The following RTRAF variants were observed in gnomAD, a reference collection of about 807,000 sequenced individuals.
RTRAF encodes the protein tRNA-splicing ligase complex subunit RTRAF.
In RTRAF, 14 loss-of-function variants were observed where a neutral mutation model predicts 34.4. The ratio of observed to expected loss-of-function variants is 0.41; its 90% CI spans 0.27 to 0.64. The LOEUF (loss-of-function observed/expected upper bound fraction) is 0.64. RTRAF is among the 30% of genes least tolerant of loss of function. The pLI, the probability that RTRAF is intolerant of heterozygous loss-of-function variation, is 0.34. For missense variants in RTRAF, 291 were observed against 288.4 expected (o/e 1.01, Z -0.06); for synonymous variants, 96 against 95.3 (o/e 1.01, Z -0.04).
rs193045053 is a variant in RTRAF at position 52,002,072 on chromosome 14, C to T, written c.531+206C>T. Among the ~76,000 whole-genome samples, 4 of 152,198 alleles carry T rather than the reference C, an allele frequency of 2.6e-5. No individual in the cohort carries two copies. In the East Asian group the frequency reaches 5.8e-4, roughly 22 times the overall value. ...TTTTTGAGTGAAAAACTTCATGTTC[C>T]TCTCACTTTGTACCTTAAAAAAGCC... On this transcript the variant is annotated intron_variant, in intron 6 of 7. Transcript: ENST00000261700.
rs1392552485 is a variant in RTRAF at position 52,005,319 on chromosome 14, G to A, written c.*803G>A. The A allele has an allele frequency of 2.1e-6, 1 of 483,944 alleles. No homozygotes were observed. Among genetic ancestry groups the A allele is most frequent in the Admixed American group, 3.8e-5 (1 of 26,152 alleles). 30.0% of individuals were successfully genotyped at this position (483,944 alleles called of 1,614,324 possible). On this transcript the variant is annotated 3_prime_UTR_variant, in exon 8 of 8. Transcript: ENST00000261700. ...TAAAAATACAGTAGTAAAGATTGAGGTATCAGCTTTTCACAAAAGTCTTTT... is the reference window on the plus strand; with the variant it reads ...TAAAAATACAGTAGTAAAGATTGAGATATCAGCTTTTCACAAAAGTCTTTT...
At chr14:51,994,037 C>CT (rs951637924) in intron 3 of RTRAF, among the ~76,000 whole-genome samples, 3 of 152,192 alleles carry the variant, frequency 2.0e-5, no homozygotes, top group Non-Finnish European at 4.4e-5. Context: ...GGCTAATTGA[C>CT]TGTCTTCTCA....
chr14:52,005,306 A>T lies in RTRAF; in HGVS notation c.*790A>T, dbSNP rs1423851263. ...CAACCTTCATTTTTAAAAATACAGT[A>T]GTAAAGATTGAGGTATCAGCTTTTC... On this transcript the variant is annotated 3_prime_UTR_variant, in exon 8 of 8. Coordinates refer to ENST00000261700, the MANE Select transcript of RTRAF (RefSeq NM_016039.3). The T allele has an allele frequency of 2.2e-6, 1 of 451,844 alleles. No homozygotes were observed. Among genetic ancestry groups the T allele is most frequent in the Non-Finnish European group, 3.8e-6 (1 of 261,580 alleles). 28.0% of individuals were successfully genotyped at this position (451,844 alleles called of 1,614,324 possible).
chr14:52,003,066 A>G (rs1386196441), intron 6 of RTRAF, among the ~76,000 whole-genome samples: 1 of 152,176 alleles, frequency 6.6e-6, no homozygotes, highest in African/African-American at 2.4e-5. Context: ...GCTTAGCCAA[A>G]TCTCTTTGCT....
chr14:51,991,756 T>C (rs1047284528), intron 2 of RTRAF, among the ~76,000 whole-genome samples: 1 of 152,172 alleles, frequency 6.6e-6, no homozygotes, highest in Non-Finnish European at 1.5e-5. Context: ...TTAAACACAG[T>C]ACTATTTCTT....
Position 52,007,943 on chromosome 14 carries a change from A to T in RTRAF, c.*3427A>T. On this transcript the variant is annotated 3_prime_UTR_variant, in exon 8 of 8. Transcript: ENST00000261700. The stretch of plus-strand genomic sequence containing the variant: ...ACGTTTCAATTTTAGGAGCTTCTCT[A>T]TTCCAGTCTGTCCAGTACAAGTTGC... 6.2e-7 allele frequency: 1 copy of T among 1,613,302 alleles called. No individual in the cohort carries two copies. Among genetic ancestry groups the T allele is most frequent in the Non-Finnish European group, 8.5e-7 (1 of 1,179,758 alleles).
chr14:52,004,015 G>C, intron 6 of RTRAF, 179 bp from the exon 7 acceptor site: 2 of 619,344 alleles, frequency 3.2e-6, no homozygotes, highest in Admixed American at 3.2e-5. Flanking sequence ...GGTTGAAATA[G>C]GGAAAACTCG....
chr14:51,989,704 A>AGGCGGC lies in RTRAF; in HGVS notation c.61+8_61+13dup. On this transcript the variant is annotated splice_donor_region_variant and intron_variant, in intron 1 of 7. Coordinates refer to ENST00000261700, the MANE Select transcript of RTRAF (RefSeq NM_016039.3). ...CCCGCCGGCTTCAACTGCAAAGGTGAGGCGGCGGCCTCAGCCCGGCCGCGT... is the reference window on the plus strand; with the variant it reads ...CCCGCCGGCTTCAACTGCAAAGGTGAGGCGGCGGCGGCGGCCTCAGCCCGGCCGCGT... 6.3e-7 allele frequency: 1 copy of AGGCGGC among 1,599,006 alleles called. No homozygotes were observed. Among genetic ancestry groups the AGGCGGC allele is most frequent in the Non-Finnish European group, 8.5e-7 (1 of 1,173,580 alleles).
In RTRAF at chr14:51,993,043, A is replaced by G. The variant is rs541639592; in HGVS notation, c.187-680A>G. On this transcript the variant is annotated intron_variant, in intron 2 of 7. Transcript: ENST00000261700. ...AGACTCTGTCTCAAAAAAAAGAAAT[A>G]TGTATGTATGTGTGTGTATATATGT... is the stretch of plus-strand genomic sequence containing the variant. Among the ~76,000 whole-genome samples the G allele has an allele frequency of 5.9e-5, 9 of 152,238 alleles. No individual in the cohort carries two copies. In the East Asian group the frequency reaches 1.7e-3, roughly 29 times the overall value.
Position 52,005,965 on chromosome 14 carries a change from C to T in RTRAF, c.*1449C>T. 1 of 717,156 alleles carries T rather than the reference C, an allele frequency of 1.4e-6. No individual in the cohort carries two copies. Among genetic ancestry groups the T allele is most frequent in the Non-Finnish European group, 2.5e-6 (1 of 404,728 alleles). The allele number at this position is 717,156 out of a possible 1,614,324, so 44.4% of individuals were successfully genotyped here. On this transcript the variant is annotated 3_prime_UTR_variant, in exon 8 of 8. Transcript: ENST00000261700. ...AAATTTCTGGCAGCCTTCTCTGTCC[C>T]AGGGCTGGTGCTAAAGCCATACTGA...
chr14:52,004,308 G>A (rs1350674566), intron 7 of RTRAF, 54 bp from the exon 8 acceptor site: 2 of 1,290,014 alleles, frequency 1.6e-6, no homozygotes, highest in Non-Finnish European at 2.1e-6. Context: ...GGAAATAAAT[G>A]GCCTTAAATG....
At chr14:52,000,280 C>T (rs1186588387) in intron 5 of RTRAF, among the ~76,000 whole-genome samples, 3 of 152,004 alleles carry the variant, frequency 2.0e-5, no homozygotes, top group Admixed American at 6.6e-5. Context: ...AAATATATAA[C>T]CCCAAAATCT....
At chr14:51,997,976 G>A (rs1414128353) in intron 3 of RTRAF, 1 of 151,818 alleles carries the variant, frequency 6.6e-6, no homozygotes, top group Non-Finnish European at 1.5e-5. Context: ...TCCAGTAATT[G>A]CTTTAGCTTA....
At position 51,989,613 on chromosome 14, in the gene RTRAF, G is replaced by C; in HGVS notation, c.-27G>C. On this transcript the variant is annotated 5_prime_UTR_variant, in exon 1 of 8. Transcript: ENST00000261700. Reference sequence around the variant, plus strand: ...GCTTCTTCTCTCCCGGCCGAGGCCCGGGGGACCAGAGCGAGAAGCGGGGAC... The same window carrying C: ...GCTTCTTCTCTCCCGGCCGAGGCCCCGGGGACCAGAGCGAGAAGCGGGGAC... 2 of 1,589,512 alleles carry C rather than the reference G, an allele frequency of 1.3e-6. No homozygotes were observed.
intron 5 of RTRAF, among the ~76,000 whole-genome samples, chr14:52,000,774 A>T (rs946762507): frequency 2.6e-5 from 4 of 152,172 alleles, no homozygotes; most frequent in African/African-American, 7.2e-5. Flanking sequence ...TTATTCCGAC[A>T]ATTATGTAAA....
Position 52,006,332 on chromosome 14 carries a change from C to A in RTRAF, c.*1816C>A, listed in dbSNP as rs1594993423. The A allele has an allele frequency of 1.8e-6, 1 of 550,766 alleles. No individual in the cohort carries two copies. The highest frequency in any genetic ancestry group is 3.2e-6 in the Non-Finnish European group (1 of 310,366). 34.1% of individuals were successfully genotyped at this position (550,766 alleles called of 1,614,324 possible). A position where few individuals can be genotyped will look rare whatever the true frequency, so the allele number is the denominator to read the frequency against. On this transcript the variant is annotated 3_prime_UTR_variant, in exon 8 of 8. Transcript: ENST00000261700. The stretch of plus-strand genomic sequence containing the variant: ...ATATGTGAGCAATACCATTCGATTT[C>A]TGGGTGAAGTAAAAGGATGATTTCA...
chr14:52,007,428 A>G lies in RTRAF; in HGVS notation c.*2912A>G, dbSNP rs757444067. ...TACTGAAGGAAGCTACCCTGCTACA[A>G]TGCTTTCCAAAGAATGTCCTTAGCA... On this transcript the variant is annotated 3_prime_UTR_variant, in exon 8 of 8. Coordinates refer to ENST00000261700, the MANE Select transcript of RTRAF (RefSeq NM_016039.3). 8.4e-5 allele frequency: 18 copies of G among 215,544 alleles called. No homozygotes were observed. The highest frequency in any genetic ancestry group is 1.6e-4 in the Non-Finnish European group (17 of 108,810). 13.4% of individuals were successfully genotyped at this position (215,544 alleles called of 1,614,324 possible).
rs1383503247 is a variant in RTRAF at position 52,008,645 on chromosome 14, A to T, written c.*4129A>T. On this transcript the variant is annotated 3_prime_UTR_variant, in exon 8 of 8. Coordinates refer to ENST00000261700, the MANE Select transcript of RTRAF (RefSeq NM_016039.3). ...GTTACTATCAGAATCCCTGCCTCCA[A>T]GATACCCCTTGACTCAACTGCCCCA... is the stretch of plus-strand genomic sequence containing the variant. 3 of 152,180 alleles carry T rather than the reference A, an allele frequency of 2.0e-5. No individual in the cohort carries two copies. The highest frequency in any genetic ancestry group is 2.9e-5 in the Non-Finnish European group (2 of 68,034). 9.4% of individuals were successfully genotyped at this position (152,180 alleles called of 1,614,324 possible).
chr14:52,007,800 G>A lies in RTRAF; in HGVS notation c.*3284G>A, dbSNP rs1048399358. The A allele has an allele frequency of 3.1e-6, 5 of 1,610,634 alleles. No homozygotes were observed. Among genetic ancestry groups the A allele is most frequent in the African/African-American group, 1.3e-5 (1 of 74,792 alleles). On this transcript the variant is annotated 3_prime_UTR_variant, in exon 8 of 8. Coordinates refer to ENST00000261700, the MANE Select transcript of RTRAF (RefSeq NM_016039.3). ...GAGGTTATCTATTTGCATTCCATCA[G>A]TAGTATTACCTGCATCTGCCCAGCA...
Sources: gnomAD v4.1 joint callset for allele counts (sites outside exome capture counted in the v4.1 genomes callset) on GRCh38, gnomAD v4.1.1 for gene constraint, MANE v1.5 for transcripts, NCBI Gene and HGNC (gene_info 2026-07-23, HGNC 2026-07-21) for gene names.